RCOR1: variants seen among roughly 807,000 people sequenced by gnomAD.
RCOR1 encodes the protein REST corepressor.
Under a neutral mutation model 64.0 loss-of-function variants are expected in RCOR1, and 12 were observed. That is an observed-to-expected ratio of 0.19 (90% confidence interval 0.12 to 0.30). RCOR1 has a LOEUF of 0.30. Ranked by LOEUF, RCOR1 falls within the 10% of genes least tolerant of loss-of-function variation. RCOR1 has a pLI of 1.00. For missense variants in RCOR1, 502 were observed against 621.2 expected, an observed-to-expected ratio of 0.81 and a Z score of 2.04; for synonymous variants, 279 against 227.2, an observed-to-expected ratio of 1.23 and a Z score of -2.05.
chr14:102,721,759 G>A (rs779382888), intron 10 of RCOR1, among the ~76,000 whole-genome samples: 6 of 151,756 alleles, frequency 4.0e-5, no homozygotes, highest in Admixed American at 1.3e-4. Context: ...AAACTTAACC[G>A]GGAACCCTGA....
At chr14:102,668,604 TTTTA>T (rs1894965430) in intron 2 of RCOR1, among the ~76,000 whole-genome samples, 1 of 152,200 alleles carries the variant, frequency 6.6e-6, no homozygotes, top group Non-Finnish European at 1.5e-5. Context: ...TTGCCTGCCT[TTTTA>T]TTTTTTACAG....
chr14:102,655,441 A>G, intron 2 of RCOR1: 2 of 984,484 alleles, frequency 2.0e-6, no homozygotes, highest in South Asian at 4.7e-5. Flanking sequence ...ATGTTTTATA[A>G]TTTGCTTTTG....
chr14:102,607,061 G>A (rs1435437131), intron 2 of RCOR1, among the ~76,000 whole-genome samples: 3 of 151,878 alleles, frequency 2.0e-5, no homozygotes, highest in Non-Finnish European at 4.4e-5. Context: ...AGCCTCCCAA[G>A]TAGCTGGGAT....
Position 102,593,010 on chromosome 14 carries a change from G to T in RCOR1, c.124G>T (p.Ala42Ser). 2.5e-6 allele frequency: 3 copies of T among 1,203,022 alleles called. No homozygotes were observed. Among genetic ancestry groups the T allele is most frequent in the Non-Finnish European group, 3.1e-6 (3 of 966,852 alleles). The allele number at this position is 1,203,022 out of a possible 1,614,324, so 74.5% of individuals were successfully genotyped here. Residue 42 changes from alanine to serine, a missense_variant, in exon 1 of 12, where the codon GCC (alanine) becomes TCC (serine). Around this residue, in one of 2 missense-constraint regions of RCOR1, gnomAD observed 242 missense variants for 204.9 expected, o/e 1.18. Coordinates refer to ENST00000262241, the MANE Select transcript of RCOR1 (RefSeq NM_015156.4). ...AAASAACASPAATAASGAAAS... is the reference protein window; with the variant it reads ...AAASAACASPSATAASGAAAS... ...CGCCTCGGCCGCCTGCGCCTCGCCA[G>T]CCGCCACTGCCGCCTCGGGCGCCGC... is the stretch of plus-strand genomic sequence containing the variant.
In RCOR1 at chr14:102,730,065, G is replaced by A. The variant is rs996790946; in HGVS notation, c.*3559G>A. 23 of 398,880 alleles carry A rather than the reference G, an allele frequency of 5.8e-5. No individual in the cohort carries two copies. Among genetic ancestry groups the A allele is most frequent in the East Asian group, 1.4e-4 (4 of 28,086 alleles). The allele number at this position is 398,880 out of a possible 1,614,324, so 24.7% of individuals were successfully genotyped here. On this transcript the variant is annotated 3_prime_UTR_variant, in exon 12 of 12. Coordinates refer to ENST00000262241, the MANE Select transcript of RCOR1 (RefSeq NM_015156.4). ...AGTAAAGCACAATTGCAGTGGCGTC[G>A]CATTCAGAAGAAGGGAAGGTCAGCA...
intron 2 of RCOR1, among the ~76,000 whole-genome samples, chr14:102,674,373 A>G (rs971065518): frequency 6.6e-6 from 1 of 152,228 alleles, no homozygotes; most frequent in Admixed American, 6.5e-5. Context: ...CTGTCCTTCC[A>G]TGTGCACCAG....
At chr14:102,662,163 C>T (rs1894838261) in intron 2 of RCOR1, 3 of 402,510 alleles carry the variant, frequency 7.5e-6, no homozygotes, top group South Asian at 5.9e-5. Flanking sequence ...AATGTACATA[C>T]TTCTGCAACT....
At chr14:102,594,804 A>G (rs926875996) in intron 2 of RCOR1, among the ~76,000 whole-genome samples, 1 of 151,978 alleles carries the variant, frequency 6.6e-6, no homozygotes, top group Non-Finnish European at 1.5e-5. Flanking sequence ...GTTACAGTTG[A>G]CCCTGTCTTC....
intron 2 of RCOR1, among the ~76,000 whole-genome samples, chr14:102,594,989 GA>G (rs1408989261): frequency 2.6e-5 from 4 of 152,258 alleles, no homozygotes; most frequent in Admixed American, 2.6e-4. Flanking sequence ...AGATGTGTTG[GA>G]TGTGACTAAG....
At position 102,727,600 on chromosome 14, in the gene RCOR1, G is replaced by T. The variant is rs528221524; in HGVS notation, c.*1094G>T. 4 of 152,076 alleles carry T rather than the reference G, an allele frequency of 2.6e-5. No individual in the cohort carries two copies. The highest frequency in any genetic ancestry group is 6.5e-5 in the Admixed American group (1 of 15,268). 9.4% of individuals were successfully genotyped at this position (152,076 alleles called of 1,614,324 possible). ...TGCCTGGCCTTTTATGTGGCACTCT[G>T]TATGTCAGTTTGTGTCCTTCATGTG... On this transcript the variant is annotated 3_prime_UTR_variant, in exon 12 of 12. Transcript: ENST00000262241.
At chr14:102,691,062 A>C (rs1895521925) in intron 3 of RCOR1, among the ~76,000 whole-genome samples, 1 of 152,158 alleles carries the variant, frequency 6.6e-6, no homozygotes, top group African/African-American at 2.4e-5. Flanking sequence ...TTACTCAGTA[A>C]CTTGCACAAC....
chr14:102,675,443 C>G (rs979018901), intron 2 of RCOR1, among the ~76,000 whole-genome samples: 1 of 152,084 alleles, frequency 6.6e-6, no homozygotes, highest in Non-Finnish European at 1.5e-5. Flanking sequence ...AACAATATGC[C>G]AACATCGCCA....
chr14:102,636,974 A>AAAAACAAAAC (rs373236695), intron 2 of RCOR1, among the ~76,000 whole-genome samples: 1 of 152,110 alleles, frequency 6.6e-6, no homozygotes, highest in Non-Finnish European at 1.5e-5. Flanking sequence ...TCTGTTTCAA[A>AAAAACAAAAC]AAAACAAAAC....
chr14:102,677,042 A>T (rs1215337148), intron 2 of RCOR1, among the ~76,000 whole-genome samples: 2 of 75,178 alleles, frequency 2.7e-5, no homozygotes, highest in African/African-American at 1.1e-4. Context: ...CTGACCCCCC[A>T]CCTCCCTCCC....
rs1894146113 is a variant in RCOR1 at position 102,632,686 on chromosome 14, TTTTCCTTTTCCTTTCC to T, written c.361+39386_361+39401del. On this transcript the variant is annotated intron_variant, in intron 2 of 11. Coordinates refer to ENST00000262241, the MANE Select transcript of RCOR1 (RefSeq NM_015156.4). Reference sequence around the variant, plus strand: ...TTCCTTTCCTTTCCTTTCCTTTTCCTTTTCCTTTTCCTTTCCTTTCCTTTTCCTTTCCTTTCCTTTC... The same window carrying T: ...TTCCTTTCCTTTCCTTTCCTTTTCCTTTTCCTTTTCCTTTCCTTTCCTTTC... Among the ~76,000 whole-genome samples the T allele has an allele frequency of 7.8e-4, 98 of 125,666 alleles. 2 individuals are homozygous for T. The highest frequency in any genetic ancestry group is 2.2e-3 in the African/African-American group (65 of 30,098). 82.4% of individuals were successfully genotyped at this position (125,666 alleles called of 152,430 possible).
At chr14:102,638,514 T>A (rs1273992129) in intron 2 of RCOR1, among the ~76,000 whole-genome samples, 1 of 151,984 alleles carries the variant, frequency 6.6e-6, no homozygotes, top group African/African-American at 2.4e-5. Flanking sequence ...CCCAGCTCAT[T>A]TTTGTATTTT....
At chr14:102,708,133 T>G (rs1895891888) in intron 5 of RCOR1, among the ~76,000 whole-genome samples, 1 of 152,120 alleles carries the variant, frequency 6.6e-6, no homozygotes, top group South Asian at 2.1e-4. Context: ...GCCCGGCTAA[T>G]TTTTTGTATT....
At chr14:102,599,500 A>T (rs1429341605) in intron 2 of RCOR1, among the ~76,000 whole-genome samples, 1 of 152,130 alleles carries the variant, frequency 6.6e-6, no homozygotes, top group African/African-American at 2.4e-5. Flanking sequence ...AGAGGCGTAC[A>T]TTGTTAATGA....
intron 2 of RCOR1, among the ~76,000 whole-genome samples, chr14:102,606,693 G>A (rs1893515178): frequency 2.7e-5 from 4 of 150,294 alleles, no homozygotes; most frequent in African/African-American, 2.5e-5. Flanking sequence ...GTGCAGTGGC[G>A]GGAACATGGC....
Sources: gnomAD v4.1 joint callset for allele counts (sites outside exome capture counted in the v4.1 genomes callset) on GRCh38, gnomAD v4.1.1 for gene constraint, gnomAD v4.1.1 regional missense constraint, MANE v1.5 for transcripts, NCBI Gene and HGNC (gene_info 2026-07-23, HGNC 2026-07-21) for gene names.